The following EPHA6 variants were observed in gnomAD, a reference collection of about 807,000 sequenced individuals.
EPHA6 encodes ephrin type-A receptor 6.
EPHA6 carries 50 observed loss-of-function variants against 112.0 expected under a neutral mutation model. The ratio of observed to expected loss-of-function variants is 0.45; its 90% CI spans 0.36 to 0.56. The LOEUF is 0.56. Ranked by LOEUF, EPHA6 falls within the 20% of genes least tolerant of loss-of-function variation. EPHA6 has a pLI of 0.00. For missense variants in EPHA6, 1,280 were observed against 1,417.4 expected (o/e 0.90, Z 1.56); for synonymous variants, 529 against 490.7 (o/e 1.08, Z -1.03).
chr3:97,745,275 A>T (rs1171859656), intron 16 of EPHA6: 1 of 379,680 alleles, frequency 2.6e-6, no homozygotes, highest in Non-Finnish European at 5.2e-6. Context: ...GAAACTTTGA[A>T]TAAATACAGC....
intron 14 of EPHA6, among the ~76,000 whole-genome samples, chr3:97,647,405 A>G (rs1560228670): frequency 2.0e-5 from 3 of 152,110 alleles, no homozygotes. Flanking sequence ...GCCCTGAACT[A>G]AAATACATCA....
chr3:97,556,074 C>T (rs1413329427), intron 11 of EPHA6, among the ~76,000 whole-genome samples: 1 of 151,936 alleles, frequency 6.6e-6, no homozygotes, highest in Non-Finnish European at 1.5e-5. Context: ...TAGGGCCAGC[C>T]CCTACATTCT....
intron 8 of EPHA6, 108 bp from the exon 9 acceptor site, chr3:97,479,186 G>T (rs2091459420): frequency 1.7e-6 from 1 of 591,888 alleles, no homozygotes; most frequent in South Asian, 3.0e-5. Flanking sequence ...TTTAAAAGTG[G>T]TCTTTATGAC....
At chr3:97,611,413 ATCTTT>A (rs1178824846) in intron 13 of EPHA6, among the ~76,000 whole-genome samples, 8 of 151,916 alleles carry the variant, frequency 5.3e-5, no homozygotes, top group Non-Finnish European at 1.2e-4. Flanking sequence ...AAAGTGATTT[ATCTTT>A]AAAAGTATAG....
chr3:97,036,863 G>T (rs1437927206), intron 3 of EPHA6, among the ~76,000 whole-genome samples: 1 of 151,908 alleles, frequency 6.6e-6, no homozygotes, highest in East Asian at 1.9e-4. Flanking sequence ...AGTGCTGATT[G>T]TTGGCTGCTG....
chr3:97,714,944 A>C (rs1322842321), intron 14 of EPHA6, among the ~76,000 whole-genome samples: 4 of 152,252 alleles, frequency 2.6e-5, no homozygotes, highest in Admixed American at 6.5e-5. Flanking sequence ...TTACCCATTA[A>C]GAGTTAAAAA....
chr3:96,933,931 G>T (rs780064645), intron 2 of EPHA6, among the ~76,000 whole-genome samples: 1 of 151,834 alleles, frequency 6.6e-6, no homozygotes, highest in Non-Finnish European at 1.5e-5. Flanking sequence ...AAATGGCTTG[G>T]TATTTTATGA....
At chr3:97,161,297 A>G (rs1356180096) in intron 3 of EPHA6, among the ~76,000 whole-genome samples, 2 of 152,178 alleles carry the variant, frequency 1.3e-5, no homozygotes, top group African/African-American at 2.4e-5. Context: ...GTTTTGCTCT[A>G]AAATCCAAAG....
intron 7 of EPHA6, among the ~76,000 whole-genome samples, chr3:97,458,237 C>T (rs2090764594): frequency 6.6e-6 from 1 of 151,984 alleles, no homozygotes; most frequent in South Asian, 2.1e-4. Flanking sequence ...CCAAGCATGA[C>T]ATGTGTGAGC....
At chr3:96,859,604 C>T (rs2035894965) in intron 1 of EPHA6, among the ~76,000 whole-genome samples, 1 of 151,858 alleles carries the variant, frequency 6.6e-6, no homozygotes, top group African/African-American at 2.4e-5. Flanking sequence ...GTTGCTTAGG[C>T]TTGTTTAATT....
At chr3:96,948,399 T>G (rs894814858) in intron 2 of EPHA6, among the ~76,000 whole-genome samples, 2 of 152,196 alleles carry the variant, frequency 1.3e-5, no homozygotes, top group African/African-American at 4.8e-5. Flanking sequence ...GTTTTGAAAC[T>G]TAGGAATCAG....
At chr3:97,577,091 A>T (rs1370570043) in intron 11 of EPHA6, among the ~76,000 whole-genome samples, 1 of 152,168 alleles carries the variant, frequency 6.6e-6, no homozygotes, top group African/African-American at 2.4e-5. Flanking sequence ...ATCATGGCCT[A>T]CTGCAGACTC....
chr3:97,478,236 C>T (rs1216843844), intron 8 of EPHA6, among the ~76,000 whole-genome samples: 1 of 152,028 alleles, frequency 6.6e-6, no homozygotes, highest in African/African-American at 2.4e-5. Flanking sequence ...TAGAGTATTT[C>T]AGTAAACAGT....
intron 5 of EPHA6, among the ~76,000 whole-genome samples, chr3:97,267,968 A>AT (rs989216054): frequency 6.6e-6 from 1 of 152,120 alleles, no homozygotes; most frequent in African/African-American, 2.4e-5. Flanking sequence ...AAAAGAGTTT[A>AT]TTTTTCTCTT....
intron 3 of EPHA6, among the ~76,000 whole-genome samples, chr3:97,002,290 A>G (rs890892880): frequency 1.3e-5 from 2 of 151,536 alleles, no homozygotes; most frequent in Non-Finnish European, 2.9e-5. Flanking sequence ...GATTGCTATT[A>G]TGAACTAATT....
chr3:97,177,760 A>G (rs998193177), intron 3 of EPHA6, among the ~76,000 whole-genome samples: 10 of 152,000 alleles, frequency 6.6e-5, no homozygotes, highest in African/African-American at 1.7e-4. Context: ...TGAGATAAGT[A>G]TAGCTACTGT....
chr3:96,953,790 C>T (rs1325445998), intron 2 of EPHA6, among the ~76,000 whole-genome samples: 2 of 152,194 alleles, frequency 1.3e-5, no homozygotes. Context: ...CAAATCCTGT[C>T]CAGTGAATCT....
intron 14 of EPHA6, among the ~76,000 whole-genome samples, chr3:97,654,733 T>C (rs538765211): frequency 4.5e-4 from 68 of 151,838 alleles, no homozygotes; most frequent in African/African-American, 1.6e-3. Context: ...GCCAGGATGG[T>C]TGATACCCTG....
intron 14 of EPHA6, among the ~76,000 whole-genome samples, chr3:97,658,650 T>C (rs569285234): frequency 3.3e-5 from 5 of 152,074 alleles, no homozygotes; most frequent in African/African-American, 1.2e-4. Context: ...ACCGTGGGAA[T>C]TGCAGTTTCA....
Sources: gnomAD v4.1 joint callset for allele counts (sites outside exome capture counted in the v4.1 genomes callset) on GRCh38, gnomAD v4.1.1 for gene constraint, MANE v1.5 for transcripts, NCBI Gene and HGNC (gene_info 2026-07-23, HGNC 2026-07-21) for gene names.